ANKRD13C: variants seen among roughly 807,000 people sequenced by gnomAD.
ANKRD13C encodes the protein ankyrin repeat domain 13C.
In ANKRD13C, 16 loss-of-function variants were observed where a neutral mutation model predicts 65.5. The ratio of observed to expected loss-of-function variants is 0.24; its 90% CI spans 0.17 to 0.37. The LOEUF (loss-of-function observed/expected upper bound fraction) is 0.37. Among genes scored for constraint, ANKRD13C ranks in the 10% least tolerant of loss-of-function variants. The pLI is 1.00. For synonymous variants in ANKRD13C, 235 were observed against 238.7 expected (o/e 0.98, Z 0.14); for missense variants, 503 against 655.9 (o/e 0.77, Z 2.55).
intron 2 of ANKRD13C, among the ~76,000 whole-genome samples, chr1:70,325,340 T>A (rs537816592): frequency 6.6e-6 from 1 of 152,348 alleles, no homozygotes; most frequent in South Asian, 2.1e-4. Flanking sequence ...TGTGTGTCCA[T>A]AATGTCAAAT....
At position 70,261,646 on chromosome 1, in the gene ANKRD13C, G is replaced by A. The variant is rs1185062143; in HGVS notation, c.*1071C>T. 6.6e-6 allele frequency: 1 copy of A among 152,308 alleles called. No individual in the cohort carries two copies. The highest frequency in any genetic ancestry group is 1.5e-5 in the Non-Finnish European group (1 of 67,906). 9.4% of individuals were successfully genotyped at this position (152,308 alleles called of 1,614,324 possible). A position where few individuals can be genotyped will look rare whatever the true frequency, so the allele number is the denominator to read the frequency against. ...AAAAATAATAGGAGTAATCAATCTT[G>A]TGTATACTTCTGGACTTTAACTTGT... is the stretch of plus-strand genomic sequence containing the variant. On this transcript the variant is annotated 3_prime_UTR_variant, in exon 13 of 13. Coordinates refer to ENST00000370944, the MANE Select transcript of ANKRD13C (RefSeq NM_030816.5).
intron 3 of ANKRD13C, 99 bp downstream of exon 3, chr1:70,324,754 G>T: frequency 2.3e-6 from 2 of 866,210 alleles, no homozygotes; most frequent in Non-Finnish European, 3.4e-6. Context: ...AATTGCAAAA[G>T]TTCATATTAT....
At chr1:70,318,672 A>C (rs914711161) in intron 3 of ANKRD13C, among the ~76,000 whole-genome samples, 20 of 145,698 alleles carry the variant, frequency 1.4e-4, no homozygotes, top group African/African-American at 4.8e-4. Flanking sequence ...CTGTTAAATC[A>C]ATCTTTGTTT....
At chr1:70,274,473 CAAAAA>C (rs769480539) in intron 11 of ANKRD13C, among the ~76,000 whole-genome samples, 4 of 38,666 alleles carry the variant, frequency 1.0e-4, no homozygotes. Flanking sequence ...GACTCCATCT[CAAAAA>C]AAAAAAAAAA....
At chr1:70,333,477 T>C (rs560820921) in intron 2 of ANKRD13C, among the ~76,000 whole-genome samples, 57 of 152,320 alleles carry the variant, frequency 3.7e-4, no homozygotes, top group African/African-American at 1.3e-3. Flanking sequence ...TTCCCTCTCC[T>C]ACCCCCAAAT....
intron 12 of ANKRD13C, among the ~76,000 whole-genome samples, chr1:70,265,214 T>C (rs944469718): frequency 6.6e-6 from 1 of 151,990 alleles, no homozygotes; most frequent in Non-Finnish European, 1.5e-5. Context: ...GAGAATATAA[T>C]ACAAGGTGAC....
chr1:70,340,563 G>A (rs904290135), intron 1 of ANKRD13C, among the ~76,000 whole-genome samples: 25 of 152,142 alleles, frequency 1.6e-4, no homozygotes, highest in African/African-American at 5.5e-4. Context: ...GGTGTTGTTC[G>A]TATTTTTTAC....
At position 70,336,116 on chromosome 1, in the gene ANKRD13C, AAAAT is replaced by A; in HGVS notation, c.431-21_431-18del. 1.5e-6 allele frequency: 1 copy of A among 685,400 alleles called. No individual in the cohort carries two copies. Among genetic ancestry groups the A allele is most frequent in the Non-Finnish European group, 2.1e-6 (1 of 481,810 alleles). 42.5% of individuals were successfully genotyped at this position (685,400 alleles called of 1,614,324 possible). ...GAGTATTTCCTAAAAAAAATAAAAT[AAAAT>A]AAATAAATTAGAAGGTGTAAAAACA... On this transcript the variant is annotated intron_variant, in intron 1 of 12. Coordinates refer to ENST00000370944, the MANE Select transcript of ANKRD13C (RefSeq NM_030816.5).
At chr1:70,329,874 G>A (rs1352185586) in intron 2 of ANKRD13C, among the ~76,000 whole-genome samples, 1 of 151,886 alleles carries the variant, frequency 6.6e-6, no homozygotes, top group Non-Finnish European at 1.5e-5. Context: ...GGGCGGATCA[G>A]GAGATCAGGA....
chr1:70,296,193 T>C lies in ANKRD13C; in HGVS notation c.990A>G (p.Leu330=). ...LMSSDIYSAT[L]STKSISFTRA... is the part of the protein sequence containing the mutation. ...GCGTGAAAGAAATTGATTTTGTTGA[T>C]AAAGTTGCAGAGTAAATATCACTGC... The change falls in exon 8 of 13, where the codon TTA becomes TTG. Residue 330 remains leucine (L), a synonymous_variant. Transcript: ENST00000370944. The C allele has an allele frequency of 6.2e-7, 1 of 1,614,038 alleles. No homozygotes were observed. Among genetic ancestry groups the C allele is most frequent in the Non-Finnish European group, 8.5e-7 (1 of 1,179,952 alleles).
chr1:70,306,065 T>C (rs1459974426), intron 6 of ANKRD13C, 159 bp downstream of exon 6: 3 of 399,548 alleles, frequency 7.5e-6, no homozygotes, highest in African/African-American at 6.3e-5. Context: ...TTCTATGTCT[T>C]TGGTTTTTTA....
chr1:70,300,960 C>T, intron 6 of ANKRD13C, 52 bp from the exon 7 acceptor site: 1 of 1,546,214 alleles, frequency 6.5e-7, no homozygotes, highest in Non-Finnish European at 8.7e-7. Flanking sequence ...TTTGATAAAA[C>T]TTCACTAATA....
intron 5 of ANKRD13C, among the ~76,000 whole-genome samples, chr1:70,310,338 C>T (rs1195384876): frequency 1.3e-5 from 2 of 152,166 alleles, no homozygotes; most frequent in Non-Finnish European, 1.5e-5. Flanking sequence ...AAAGTTTGAT[C>T]ATAAAATCTA....
In ANKRD13C at chr1:70,313,752, T is replaced by C; in HGVS notation, c.702A>G (p.Gln234=). Residue 234 remains glutamine, a synonymous_variant, in exon 5 of 13, where the codon CAA becomes CAG. Coordinates refer to ENST00000370944, the MANE Select transcript of ANKRD13C (RefSeq NM_030816.5). ...DFYLELHWDF[Q]SWVPLLSRIL... ...AACATAGCATACTCTTACCCCAGCT[T>C]TGAAAATCCCAGTGAAGTTCTAGAT... The C allele has an allele frequency of 6.2e-7, 1 of 1,608,726 alleles. No individual in the cohort carries two copies. The highest frequency in any genetic ancestry group is 8.5e-7 in the Non-Finnish European group (1 of 1,175,750).
intron 12 of ANKRD13C, among the ~76,000 whole-genome samples, chr1:70,268,014 G>A (rs1678707880): frequency 6.6e-6 from 1 of 152,142 alleles, no homozygotes. Flanking sequence ...TAAAGCAAGT[G>A]CTGGTGGAAT....
intron 10 of ANKRD13C, among the ~76,000 whole-genome samples, chr1:70,275,113 A>C (rs1431277893): frequency 6.6e-6 from 1 of 152,238 alleles, no homozygotes; most frequent in Admixed American, 6.5e-5. Context: ...ATTAGTAAAA[A>C]AATTTTTAAG....
At position 70,278,564 on chromosome 1, in the gene ANKRD13C, T is replaced by A. The variant is rs188720184; in HGVS notation, c.1216-1720A>T. On this transcript the variant is annotated intron_variant, in intron 9 of 12. Coordinates refer to ENST00000370944, the MANE Select transcript of ANKRD13C (RefSeq NM_030816.5). The stretch of plus-strand genomic sequence containing the variant: ...AAAAACCTCATAAATTAAAAAAAAA[T>A]TTTTTTTCAATTGCTAATGAAAACC... 7.2e-3 allele frequency among the ~76,000 whole-genome samples: 1,092 copies of A among 151,122 alleles called. 16 individuals are homozygous for A. The highest frequency in any genetic ancestry group is 0.025 in the African/African-American group (1,023 of 41,344).
intron 1 of ANKRD13C, among the ~76,000 whole-genome samples, chr1:70,337,944 A>G (rs1331542534): frequency 1.3e-5 from 2 of 152,108 alleles, no homozygotes; most frequent in East Asian, 3.9e-4. Flanking sequence ...TACTAAAAAT[A>G]CAAAATTAGC....
At chr1:70,337,952 A>T (rs1462517099) in intron 1 of ANKRD13C, among the ~76,000 whole-genome samples, 3 of 152,118 alleles carry the variant, frequency 2.0e-5, no homozygotes, top group Non-Finnish European at 4.4e-5. Context: ...ATACAAAATT[A>T]GCCAGGGGTG....
Sources: allele counts gnomAD v4.1 joint callset (sites outside exome capture counted in the v4.1 genomes callset), GRCh38; gene constraint gnomAD v4.1.1; transcripts MANE v1.5; gene names NCBI Gene and HGNC (gene_info 2026-07-23, HGNC 2026-07-21).